The following PPP3CA variants were observed in gnomAD, a reference collection of about 807,000 sequenced individuals.
The protein encoded by PPP3CA is protein phosphatase 3 catalytic subunit alpha.
Under a neutral mutation model 66.5 loss-of-function variants are expected in PPP3CA, and 14 were observed. The ratio of observed to expected loss-of-function variants is 0.21; its 90% CI spans 0.14 to 0.33. The LOEUF (loss-of-function observed/expected upper bound fraction) is 0.33, where lower values mean the gene tolerates loss of function less well. Ranked by LOEUF, PPP3CA falls within the 10% of genes least tolerant of loss-of-function variation. The pLI is 1.00. For synonymous variants in PPP3CA, 232 were observed against 226.2 expected (o/e 1.03, Z -0.23); for missense variants, 317 against 639.5 (o/e 0.50, Z 5.44).
At chr4:101,048,620 A>G (rs1361842853) in intron 10 of PPP3CA, among the ~76,000 whole-genome samples, 1 of 151,964 alleles carries the variant, frequency 6.6e-6, no homozygotes, top group African/African-American at 2.4e-5. Context: ...CCTGGTAAAA[A>G]TTCATCTTTT....
intron 8 of PPP3CA, among the ~76,000 whole-genome samples, chr4:101,065,446 G>A (rs1449691310): frequency 6.6e-6 from 1 of 152,062 alleles, no homozygotes; most frequent in African/African-American, 2.4e-5. Flanking sequence ...CAGGAGGAAG[G>A]AAAGTAAATA....
At chr4:101,134,738 C>T (rs1208028908) in intron 2 of PPP3CA, among the ~76,000 whole-genome samples, 1 of 152,080 alleles carries the variant, frequency 6.6e-6, no homozygotes, top group Non-Finnish European at 1.5e-5. Context: ...GGTATATACC[C>T]AAAGAATAAT....
At position 101,101,540 on chromosome 4, in the gene PPP3CA, A is replaced by G. The variant is rs138529116; in HGVS notation, c.385-1818T>C. 3.2e-3 allele frequency among the ~76,000 whole-genome samples: 487 copies of G among 152,294 alleles called. 5 individuals are homozygous for G. The highest frequency in any genetic ancestry group is 0.011 in the African/African-American group (466 of 41,558). The stretch of plus-strand genomic sequence containing the variant: ...GATATGAAAACTCCTTTAAAAATAC[A>G]TTTGCATGTTGAAATTGCTATTTTG... On this transcript the variant is annotated intron_variant, in intron 3 of 13. Coordinates refer to ENST00000394854, the MANE Select transcript of PPP3CA (RefSeq NM_000944.5).
intron 2 of PPP3CA, among the ~76,000 whole-genome samples, chr4:101,189,339 T>C (rs1269392215): frequency 6.6e-6 from 1 of 152,162 alleles, no homozygotes; most frequent in Non-Finnish European, 1.5e-5. Context: ...AATGCATGTT[T>C]ATGTCCTCAG....
intron 2 of PPP3CA, among the ~76,000 whole-genome samples, chr4:101,158,525 G>T (rs1723398859): frequency 6.6e-6 from 1 of 152,142 alleles, no homozygotes; most frequent in Non-Finnish European, 1.5e-5. Flanking sequence ...CCACGTTTAG[G>T]ACTTTGGGCC....
intron 1 of PPP3CA, among the ~76,000 whole-genome samples, chr4:101,333,455 A>C (rs1729511511): frequency 6.6e-6 from 1 of 151,476 alleles, no homozygotes; most frequent in African/African-American, 2.4e-5. Context: ...CATATTATCA[A>C]ACTAATTTTA....
In PPP3CA at chr4:101,025,771, A is replaced by G; in HGVS notation, c.*94T>C. ...AGCAAATAAGCTACTGTCAGAGGCAAGAACATCCAACTGCTGATATGCAGC... is the reference window on the plus strand; with the variant it reads ...AGCAAATAAGCTACTGTCAGAGGCAGGAACATCCAACTGCTGATATGCAGC... On this transcript the variant is annotated 3_prime_UTR_variant, in exon 14 of 14. Coordinates refer to ENST00000394854, the MANE Select transcript of PPP3CA (RefSeq NM_000944.5). 9.3e-7 allele frequency: 1 copy of G among 1,076,904 alleles called. No homozygotes were observed. Among genetic ancestry groups the G allele is most frequent in the Non-Finnish European group, 1.3e-6 (1 of 765,480 alleles). 66.7% of individuals were successfully genotyped at this position (1,076,904 alleles called of 1,614,324 possible).
rs529845842 is a variant in PPP3CA at position 101,028,691 on chromosome 4, A to C, written c.1369+475T>G. Among the ~76,000 whole-genome samples the C allele has an allele frequency of 1.3e-4, 20 of 152,312 alleles. No homozygotes were observed. In the East Asian group the frequency reaches 3.9e-3, roughly 29 times the overall value. ...ATGTTGGAATATTTTTTAGAGATAC[A>C]AATTAATGTTGAACTACAACAAAGC... On this transcript the variant is annotated intron_variant, in intron 13 of 13. Transcript: ENST00000394854.
At chr4:101,129,743 T>C (rs1040300194) in intron 2 of PPP3CA, among the ~76,000 whole-genome samples, 1 of 151,986 alleles carries the variant, frequency 6.6e-6, no homozygotes, top group Non-Finnish European at 1.5e-5. Context: ...CATCTGAAGG[T>C]CAACAGCATC....
At chr4:101,061,041 T>A in intron 10 of PPP3CA, 46 bp downstream of exon 10, 2 of 1,485,724 alleles carry the variant, frequency 1.3e-6, no homozygotes, top group Non-Finnish European at 1.9e-6. Flanking sequence ...AGACTCTAAG[T>A]AATTATCTGG....
chr4:101,150,991 G>GA (rs1372872072), intron 2 of PPP3CA, among the ~76,000 whole-genome samples: 1 of 152,054 alleles, frequency 6.6e-6, no homozygotes, highest in East Asian at 1.9e-4. Context: ...CTATTGAAAA[G>GA]AAAAAGGTAT....
chr4:101,061,477 T>C (rs1051977488), intron 9 of PPP3CA, among the ~76,000 whole-genome samples: 3 of 152,098 alleles, frequency 2.0e-5, no homozygotes, highest in Non-Finnish European at 4.4e-5. Flanking sequence ...TTTTGAATTT[T>C]TATTAGTCAC....
At chr4:101,038,617 C>G (rs1727366849) in intron 11 of PPP3CA, among the ~76,000 whole-genome samples, 1 of 152,110 alleles carries the variant, frequency 6.6e-6, no homozygotes, top group South Asian at 2.1e-4. Context: ...ATCTGCCTAC[C>G]TCGGCCTCCC....
chr4:101,329,786 C>A (rs1729321963), intron 1 of PPP3CA, among the ~76,000 whole-genome samples: 1 of 152,032 alleles, frequency 6.6e-6, no homozygotes, highest in South Asian at 2.1e-4. Flanking sequence ...TGGATAACAG[C>A]ACATCTGTTT....
intron 1 of PPP3CA, among the ~76,000 whole-genome samples, chr4:101,331,183 G>T (rs559314713): frequency 1.3e-5 from 2 of 152,172 alleles, no homozygotes; most frequent in East Asian, 3.9e-4. Context: ...GTGTTATGGT[G>T]GTAAAAGCCC....
At chr4:101,203,850 C>T (rs1005616698) in intron 1 of PPP3CA, among the ~76,000 whole-genome samples, 4 of 152,026 alleles carry the variant, frequency 2.6e-5, no homozygotes, top group African/African-American at 9.7e-5. Context: ...TTGCAAATGG[C>T]TTATATAATG....
intron 1 of PPP3CA, among the ~76,000 whole-genome samples, chr4:101,243,666 T>C (rs993292027): frequency 2.6e-5 from 4 of 152,194 alleles, no homozygotes; most frequent in South Asian, 2.1e-4. Flanking sequence ...TTTTATATAA[T>C]AGATTTGAGT....
chr4:101,229,552 T>C (rs1274266789), intron 1 of PPP3CA, among the ~76,000 whole-genome samples: 2 of 151,722 alleles, frequency 1.3e-5, no homozygotes, highest in Non-Finnish European at 3.0e-5. Flanking sequence ...TTTTGATCTA[T>C]TTATTCTTTG....
chr4:101,230,122 G>T (rs534205508), intron 1 of PPP3CA, among the ~76,000 whole-genome samples: 30 of 151,618 alleles, frequency 2.0e-4, no homozygotes, highest in African/African-American at 6.3e-4. Flanking sequence ...AATCTATTTT[G>T]CAGCAGAATC....
Sources: allele counts gnomAD v4.1 joint callset (sites outside exome capture counted in the v4.1 genomes callset), GRCh38; gene constraint gnomAD v4.1.1; transcripts MANE v1.5; gene names NCBI Gene and HGNC (gene_info 2026-07-23, HGNC 2026-07-21).